The following AEBP2 variants were observed in gnomAD, a reference collection of about 807,000 sequenced individuals.
The protein encoded by AEBP2 is zinc finger protein AEBP2.
In AEBP2, 10 loss-of-function variants were observed where a neutral mutation model predicts 50.8. The observed-to-expected ratio is 0.20, with a 90% confidence interval of 0.12 to 0.33. The LOEUF is 0.33. Among genes scored for constraint, AEBP2 ranks in the 10% least tolerant of loss-of-function variants. AEBP2 has a pLI of 1.00. For synonymous variants in AEBP2, 296 were observed against 261.3 expected (o/e 1.13, Z -1.28); for missense variants, 570 against 688.0 (o/e 0.83, Z 1.92).
chr12:19,455,174 T>A (rs75554232), intron 1 of AEBP2, among the ~76,000 whole-genome samples: 1 of 151,494 alleles, frequency 6.6e-6, no homozygotes, highest in Admixed American at 6.6e-5. Context: ...TTTTTTTTTT[T>A]AAGAGACAGG....
intron 1 of AEBP2, among the ~76,000 whole-genome samples, chr12:19,460,985 C>T (rs1051020940): frequency 2.6e-5 from 4 of 152,026 alleles, no homozygotes; most frequent in African/African-American, 7.2e-5. Flanking sequence ...AAGGTATATA[C>T]TGTGGTTGAT....
Position 19,440,011 on chromosome 12 carries a change from G to C in AEBP2, c.312G>C (p.Glu104Asp), listed in dbSNP as rs1947919414. The change falls in exon 1 of 8, where the codon GAG becomes GAC. Residue 104 changes from glutamate (E) to aspartate (D), a missense_variant. Coordinates refer to ENST00000266508, the MANE Select transcript of AEBP2 (RefSeq NM_153207.5). ...GEDEDEEEDD[E>D]EEEDESSSSG... ...ACGAAGACGAGGAGGAGGACGACGA[G>C]GAGGAGGAAGATGAGAGCAGCAGCA... 2 of 1,525,568 alleles carry C rather than the reference G, an allele frequency of 1.3e-6. No individual in the cohort carries two copies. The highest frequency in any genetic ancestry group is 1.2e-5 in the South Asian group (1 of 83,656). The allele number at this position is 1,525,568 out of a possible 1,614,324, so 94.5% of individuals were successfully genotyped here. A position where few individuals can be genotyped will look rare whatever the true frequency, so the allele number is the denominator to read the frequency against.
intron 4 of AEBP2, among the ~76,000 whole-genome samples, chr12:19,499,862 G>A (rs1949039908): frequency 6.6e-6 from 1 of 152,122 alleles, no homozygotes; most frequent in African/African-American, 2.4e-5. Flanking sequence ...GAATCATGAG[G>A]TTTGAGGTTA....
chr12:19,498,943 A>G (rs958273639), intron 4 of AEBP2, among the ~76,000 whole-genome samples: 5 of 152,138 alleles, frequency 3.3e-5, no homozygotes, highest in African/African-American at 4.8e-5. Context: ...CCCAGAAGTT[A>G]GTTTGAGGCT....
At chr12:19,496,554 A>G (rs1834892629) in intron 4 of AEBP2, among the ~76,000 whole-genome samples, 1 of 152,148 alleles carries the variant, frequency 6.6e-6, no homozygotes, top group African/African-American at 2.4e-5. Flanking sequence ...TATCTTCCTC[A>G]TGTAATTCAA....
At chr12:19,413,215 C>A in intron 1 of AEBP2, 1 of 800,590 alleles carries the variant, frequency 1.2e-6, no homozygotes, top group East Asian at 2.4e-5. Flanking sequence ...GAAACAGTAT[C>A]TTAACCCAAG....
chr12:19,467,404 C>T (rs1948496411), intron 2 of AEBP2, among the ~76,000 whole-genome samples: 3 of 152,042 alleles, frequency 2.0e-5, no homozygotes, highest in Non-Finnish European at 4.4e-5. Flanking sequence ...AGTGATGCTC[C>T]TGTGTCAGCC....
chr12:19,405,359 C>G (rs1184838624), intron 1 of AEBP2, among the ~76,000 whole-genome samples: 1 of 149,866 alleles, frequency 6.7e-6, no homozygotes, highest in East Asian at 2.0e-4. Context: ...CGGAGTCTCG[C>G]TCTGTCGCCA....
chr12:19,462,844 T>A, intron 2 of AEBP2, 127 bp downstream of exon 2: 1 of 830,376 alleles, frequency 1.2e-6, no homozygotes, highest in Non-Finnish European at 1.8e-6. Flanking sequence ...TTTTTTCAAG[T>A]GAATTTTTAA....
chr12:19,452,135 C>T (rs1948175181), intron 1 of AEBP2, among the ~76,000 whole-genome samples: 1 of 152,132 alleles, frequency 6.6e-6, no homozygotes, highest in Admixed American at 6.6e-5. Flanking sequence ...AAGTGATCCG[C>T]CCACCTCAGC....
At chr12:19,450,428 C>G (rs960924070) in intron 1 of AEBP2, among the ~76,000 whole-genome samples, 2 of 150,166 alleles carry the variant, frequency 1.3e-5, no homozygotes, top group Non-Finnish European at 3.0e-5. Context: ...CTGAATGGGT[C>G]AAATTTTATG....
intron 1 of AEBP2, among the ~76,000 whole-genome samples, chr12:19,441,001 T>C (rs1044377344): frequency 4.6e-5 from 7 of 152,236 alleles, no homozygotes; most frequent in Non-Finnish European, 2.9e-5. Flanking sequence ...GGAAAAAGTT[T>C]TAAACACGTA....
At position 19,495,173 on chromosome 12, in the gene AEBP2, G is replaced by A. The variant is rs113818563; in HGVS notation, c.1174+1187G>A. On this transcript the variant is annotated intron_variant, in intron 4 of 7. Coordinates refer to ENST00000266508, the MANE Select transcript of AEBP2 (RefSeq NM_153207.5). ...CCGCCTTGGCCTCCCAAAGTGCTGG[G>A]ATTACAGGCATGAGCCACTGTGCTC... Among the ~76,000 whole-genome samples, 431 of 152,312 alleles carry A rather than the reference G, an allele frequency of 2.8e-3. 3 individuals are homozygous for A. Among genetic ancestry groups the A allele is most frequent in the African/African-American group, 1.0e-2 (415 of 41,564 alleles).
chr12:19,438,303 C>T (rs962739600), upstream of AEBP2, among the ~76,000 whole-genome samples: 7 of 152,130 alleles, frequency 4.6e-5, no homozygotes, highest in African/African-American at 1.7e-4. Flanking sequence ...GATCTTTATG[C>T]GATTTTTGGG....
chr12:19,511,705 G>T (rs568302656), intron 5 of AEBP2, among the ~76,000 whole-genome samples: 1 of 152,216 alleles, frequency 6.6e-6, no homozygotes, highest in South Asian at 2.1e-4. Context: ...CTTAGTGTTG[G>T]AATATTTGCT....
intron 3 of AEBP2, among the ~76,000 whole-genome samples, chr12:19,486,027 A>G (rs1948804500): frequency 6.7e-6 from 1 of 149,998 alleles, no homozygotes; most frequent in African/African-American, 2.5e-5. Context: ...CTTGTTTAAC[A>G]GTTTAATGAT....
rs1023562256 is a variant in AEBP2, at chr12:19,521,377, T to C, written c.*3260T>C. 6.6e-6 allele frequency: 1 copy of C among 152,198 alleles called. No individual in the cohort carries two copies. The highest frequency in any genetic ancestry group is 1.5e-5 in the Non-Finnish European group (1 of 68,022). 9.4% of individuals were successfully genotyped at this position (152,198 alleles called of 1,614,324 possible). On this transcript the variant is annotated 3_prime_UTR_variant, in exon 8 of 8. Coordinates refer to ENST00000266508, the MANE Select transcript of AEBP2 (RefSeq NM_153207.5). ...TACGGTGGGTTTTTAAAGTTATTAA[T>C]AGTCCATCATTTCATCATTTGTGTT...
intron 3 of AEBP2, among the ~76,000 whole-genome samples, chr12:19,479,484 A>G (rs923943893): frequency 8.5e-5 from 13 of 152,170 alleles, no homozygotes; most frequent in Admixed American, 6.6e-4. Context: ...ATCATCACCT[A>G]GGCACACAGT....
intron 1 of AEBP2, among the ~76,000 whole-genome samples, chr12:19,422,663 AT>A (rs1354159031): frequency 6.6e-6 from 1 of 151,922 alleles, no homozygotes; most frequent in Non-Finnish European, 1.5e-5. Flanking sequence ...TGCCTGGTTA[AT>A]TTTTGTAGAA....
Sources: gnomAD v4.1 joint callset for allele counts (sites outside exome capture counted in the v4.1 genomes callset) on GRCh38, gnomAD v4.1.1 for gene constraint, MANE v1.5 for transcripts, NCBI Gene and HGNC (gene_info 2026-07-23, HGNC 2026-07-21) for gene names.